ASZ1: variants seen among roughly 807,000 people sequenced by gnomAD.
ASZ1 encodes ankyrin repeat, SAM and basic leucine zipper domain-containing protein 1.
In ASZ1, 67 loss-of-function variants were observed where a neutral mutation model predicts 61.8. The observed-to-expected ratio is 1.08, with a 90% CI of 0.89 to 1.33. The LOEUF (loss-of-function observed/expected upper bound fraction) is 1.33. ASZ1 is among the 40% of genes most tolerant of loss of function. ASZ1 has a pLI of 0.00. For synonymous variants in ASZ1, 193 were observed against 192.7 expected (o/e 1.00, Z -0.01); for missense variants, 577 against 554.5 (o/e 1.04, Z -0.41).
chr7:117,427,255 T>C, intron 1 of ASZ1, 101 bp downstream of exon 1: 6 of 1,294,674 alleles, frequency 4.6e-6, no homozygotes, highest in Non-Finnish European at 6.7e-6. Flanking sequence ...AAAAGGGAAA[T>C]ACACGTGAGG....
rs566070974 is a variant in ASZ1 at position 117,383,647 on chromosome 7, C to T, written c.688-537G>A. On this transcript the variant is annotated intron_variant, in intron 6 of 12. Transcript: ENST00000284629. Reference sequence around the variant, plus strand: ...AAATTCCTGAGTTTTAAAATCTAACCTCTCAGGAAGTCAAGGTTATATCAC... The same window carrying T: ...AAATTCCTGAGTTTTAAAATCTAACTTCTCAGGAAGTCAAGGTTATATCAC... Among the ~76,000 whole-genome samples, 5 of 152,044 alleles carry T rather than the reference C, an allele frequency of 3.3e-5. No homozygotes were observed. In the South Asian group the frequency reaches 6.2e-4, roughly 19 times the overall value.
rs764774565 is a variant in ASZ1 at position 117,380,086 on chromosome 7, TA to T, written c.946-40del. 3.0e-6 allele frequency: 4 copies of T among 1,328,882 alleles called. No homozygotes were observed. The Admixed American group carries it at 8.0e-5, about 26-fold the overall frequency. The allele number at this position is 1,328,882 out of a possible 1,614,324, so 82.3% of individuals were successfully genotyped here. A position where few individuals can be genotyped will look rare whatever the true frequency, so the allele number is the denominator to read the frequency against. ...ATTTTAAGGTACAGTAAGTTAGTTA[TA>T]CTTGAGTAATTTAAAACTCAAAATT... On this transcript the variant is annotated intron_variant, in intron 9 of 12. Coordinates refer to ENST00000284629, the MANE Select transcript of ASZ1 (RefSeq NM_130768.3).
At chr7:117,365,545 C>A (rs910742311) in intron 12 of ASZ1, among the ~76,000 whole-genome samples, 14 of 152,164 alleles carry the variant, frequency 9.2e-5, no homozygotes, top group Non-Finnish European at 1.9e-4. Flanking sequence ...TAGTAAATAA[C>A]CCTGAAGCAA....
At position 117,382,179 on chromosome 7, in the gene ASZ1, A is replaced by G. The variant is rs922831568; in HGVS notation, c.813-35T>C. 4.8e-6 allele frequency: 6 copies of G among 1,261,476 alleles called. No individual in the cohort carries two copies. In the African/African-American group the frequency reaches 7.5e-5, roughly 16 times the overall value. The allele number at this position is 1,261,476 out of a possible 1,614,324, so 78.1% of individuals were successfully genotyped here. On this transcript the variant is annotated intron_variant, in intron 7 of 12. Transcript: ENST00000284629. Reference sequence around the variant, plus strand: ...TTTATAGCAATGTCAATTTCAGAACAGATTATAAATGCACAAGCGATAAAT... The same window carrying G: ...TTTATAGCAATGTCAATTTCAGAACGGATTATAAATGCACAAGCGATAAAT...
intron 3 of ASZ1, among the ~76,000 whole-genome samples, chr7:117,420,677 C>T (rs1349604211): frequency 6.6e-6 from 1 of 152,208 alleles, no homozygotes; most frequent in African/African-American, 2.4e-5. Flanking sequence ...CTCCTGAAAT[C>T]TGGCTTATAA....
intron 2 of ASZ1, 147 bp downstream of exon 2, chr7:117,426,689 T>C: frequency 4.2e-6 from 3 of 710,480 alleles, no homozygotes; most frequent in South Asian, 2.3e-5. Flanking sequence ...TAAGGCAGAC[T>C]GGACTCAGTC....
chr7:117,426,697 G>T, intron 2 of ASZ1, 139 bp downstream of exon 2: 1 of 770,118 alleles, frequency 1.3e-6, no homozygotes, highest in South Asian at 2.2e-5. Context: ...ACTGGACTCA[G>T]TCAACGAAGA....
At chr7:117,382,646 A>G (rs1375256409) in intron 7 of ASZ1, among the ~76,000 whole-genome samples, 3 of 152,156 alleles carry the variant, frequency 2.0e-5, no homozygotes, top group African/African-American at 7.2e-5. Context: ...GTATATGTTT[A>G]ATTTTAGCTT....
At chr7:117,368,370 G>T (rs566303912) in intron 11 of ASZ1, 2 of 1,160,022 alleles carry the variant, frequency 1.7e-6, no homozygotes, top group Non-Finnish European at 2.1e-6. Context: ...TTCAATACAC[G>T]GATCAGTTTA....
intron 10 of ASZ1, among the ~76,000 whole-genome samples, chr7:117,378,316 G>A (rs184315877): frequency 2.6e-4 from 40 of 152,128 alleles, no homozygotes; most frequent in Non-Finnish European, 3.1e-4. Context: ...TTTCAATGTA[G>A]ATAACTCCCA....
intron 9 of ASZ1, 83 bp from the exon 10 acceptor site, chr7:117,380,130 G>T: frequency 2.3e-6 from 2 of 852,422 alleles, no homozygotes; most frequent in African/African-American, 1.7e-5. Context: ...ATGTTTTCTT[G>T]ATGAATTCAC....
chr7:117,379,168 T>TATATATATACAC (rs1161457624), intron 10 of ASZ1, among the ~76,000 whole-genome samples: 11 of 69,722 alleles, frequency 1.6e-4, no homozygotes, highest in South Asian at 9.4e-4. Flanking sequence ...TATATATATA[T>TATATATATACAC]ACACACACAC....
chr7:117,419,324 G>T (rs6979185), intron 4 of ASZ1, among the ~76,000 whole-genome samples: 16,962 of 151,990 alleles, frequency 0.11, 1,491 homozygotes, highest in East Asian at 0.44. Context: ...CAAAGATTTG[G>T]GAACTATCTA....
In ASZ1 at chr7:117,383,041, T is replaced by G. The variant is rs777369831; in HGVS notation, c.757A>C (p.Thr253Pro). The stretch of plus-strand genomic sequence containing the variant: ...TCTGTTGTCAATATTTTACAAATAG[T>G]GTCTTCTTTAGTTAGCTGTTGAAGT... ...GKLQQLTKED[T>P]ICKILTTDSD... The change falls in exon 7 of 13, where the codon ACT becomes CCT. Residue 253 changes from threonine (T) to proline (P), a missense_variant. Physicochemically the swap from Thr to Pro is conservative, Grantham distance 38. Coordinates refer to ENST00000284629, the MANE Select transcript of ASZ1 (RefSeq NM_130768.3). 2 of 1,590,396 alleles carry G rather than the reference T, an allele frequency of 1.3e-6. No individual in the cohort carries two copies. The highest frequency in any genetic ancestry group is 1.7e-6 in the Non-Finnish European group (2 of 1,170,374).
At chr7:117,376,613 T>C (rs1297603277) in intron 10 of ASZ1, among the ~76,000 whole-genome samples, 1 of 152,120 alleles carries the variant, frequency 6.6e-6, no homozygotes, top group Non-Finnish European at 1.5e-5. Context: ...ATGGGATTAA[T>C]CCAGGTATGC....
chr7:117,396,972 A>T (rs886985526), intron 4 of ASZ1, among the ~76,000 whole-genome samples: 1 of 151,996 alleles, frequency 6.6e-6, no homozygotes, highest in Non-Finnish European at 1.5e-5. Flanking sequence ...ATTTTAAAGC[A>T]TAAACAAAAA....
chr7:117,390,112 T>A (rs1478135713), intron 4 of ASZ1, among the ~76,000 whole-genome samples: 4 of 152,130 alleles, frequency 2.6e-5, no homozygotes, highest in Non-Finnish European at 5.9e-5. Context: ...ATATGTGGCA[T>A]ATTTTCTTTA....
chr7:117,405,977 G>C (rs1403719330), intron 4 of ASZ1, among the ~76,000 whole-genome samples: 2 of 152,212 alleles, frequency 1.3e-5, no homozygotes, highest in African/African-American at 4.8e-5. Flanking sequence ...GAATGGGCCA[G>C]GGGTTCAGAT....
At chr7:117,373,911 A>G (rs1021038583) in intron 10 of ASZ1, among the ~76,000 whole-genome samples, 8 of 152,184 alleles carry the variant, frequency 5.3e-5, no homozygotes, top group African/African-American at 1.7e-4. Flanking sequence ...CAATAATGAA[A>G]AAAAGCAAGA....
Sources: allele counts gnomAD v4.1 joint callset (sites outside exome capture counted in the v4.1 genomes callset), GRCh38; gene constraint gnomAD v4.1.1; transcripts MANE v1.5; gene names NCBI Gene and HGNC (gene_info 2026-07-23, HGNC 2026-07-21).